MACROD2: variants seen among roughly 807,000 people sequenced by gnomAD.
MACROD2 encodes the protein ADP-ribose glycohydrolase MACROD2.
A neutral mutation model predicts 70.4 loss-of-function variants in MACROD2; 36 were observed. The observed-to-expected ratio is 0.51, with a 90% CI of 0.39 to 0.68. MACROD2 has a LOEUF of 0.68. MACROD2 is among the 30% of genes least tolerant of loss of function. The probability of loss-of-function intolerance (pLI) is 0.00; values close to 1 mark genes in which losing one functional copy is unlikely to be tolerated. For missense variants in MACROD2, 496 were observed against 538.4 expected, an observed-to-expected ratio of 0.92 and a Z score of 0.78; for synonymous variants, 172 against 178.8, an observed-to-expected ratio of 0.96 and a Z score of 0.30.
At chr20:15,936,671 G>GTATATATATATATATATATCTATATATA (rs10626103) in intron 11 of MACROD2, among the ~76,000 whole-genome samples, 1 of 143,268 alleles carries the variant, frequency 7.0e-6, no homozygotes, top group South Asian at 2.2e-4. Context: ...GTATATGTGT[G>GTATATATATATATATATATCTATATATA]TATATATATA....
chr20:15,590,738 G>A (rs1470545833), intron 8 of MACROD2, among the ~76,000 whole-genome samples: 1 of 152,010 alleles, frequency 6.6e-6, no homozygotes, highest in African/African-American at 2.4e-5. Context: ...AATTAGCCAG[G>A]CGTAGTGTTG....
intron 8 of MACROD2, among the ~76,000 whole-genome samples, chr20:15,504,277 CAG>C (rs1489825307): frequency 2.6e-5 from 4 of 152,076 alleles, no homozygotes; most frequent in Middle Eastern, 3.2e-3. Context: ...TAAGAGGACT[CAG>C]AAACCCGAGG....
intron 5 of MACROD2, among the ~76,000 whole-genome samples, chr20:14,923,733 G>A (rs2074192074): frequency 6.9e-6 from 1 of 145,148 alleles, no homozygotes; most frequent in Non-Finnish European, 1.5e-5. Flanking sequence ...CGGGCCTCCA[G>A]GGCCACTCTT....
chr20:14,618,928 C>T (rs535669521), intron 4 of MACROD2, among the ~76,000 whole-genome samples: 96 of 152,212 alleles, frequency 6.3e-4, no homozygotes, highest in African/African-American at 2.1e-3. Flanking sequence ...TCCTTAGAAC[C>T]TTAGTTTTCT....
chr20:14,138,628 GA>G (rs1408320165), intron 3 of MACROD2, among the ~76,000 whole-genome samples: 3 of 152,216 alleles, frequency 2.0e-5, no homozygotes, highest in Non-Finnish European at 2.9e-5. Context: ...TGGGTGGGGG[GA>G]AAATGGGAAG....
chr20:15,755,159 A>G (rs888908530), intron 8 of MACROD2, among the ~76,000 whole-genome samples: 3 of 152,140 alleles, frequency 2.0e-5, no homozygotes, highest in African/African-American at 4.8e-5. Context: ...GCACACAGCC[A>G]GGAATTTGCA....
intron 8 of MACROD2, among the ~76,000 whole-genome samples, chr20:15,743,427 A>G (rs1239076019): frequency 1.3e-5 from 2 of 152,182 alleles, no homozygotes; most frequent in Admixed American, 6.5e-5. Flanking sequence ...CTAGGAAAAA[A>G]GGGTACTGGA....
chr20:14,624,956 G>A (rs926294049), intron 4 of MACROD2, among the ~76,000 whole-genome samples: 2 of 152,150 alleles, frequency 1.3e-5, no homozygotes, highest in Admixed American at 1.3e-4. Flanking sequence ...TGCACCTTTT[G>A]TATGGTCCAA....
At chr20:14,663,179 T>C (rs891701062) in intron 4 of MACROD2, among the ~76,000 whole-genome samples, 1 of 151,912 alleles carries the variant, frequency 6.6e-6, no homozygotes, top group Admixed American at 6.6e-5. Context: ...ATGTTCTTTG[T>C]AGGACAGGGA....
intron 4 of MACROD2, among the ~76,000 whole-genome samples, chr20:14,573,635 C>T (rs1415397741): frequency 1.3e-5 from 2 of 151,506 alleles, no homozygotes; most frequent in Non-Finnish European, 2.9e-5. Context: ...GGTGTTCCTT[C>T]TAGGATGATA....
At chr20:14,960,400 G>A (rs1320407132) in intron 5 of MACROD2, among the ~76,000 whole-genome samples, 1 of 152,126 alleles carries the variant, frequency 6.6e-6, no homozygotes, top group Non-Finnish European at 1.5e-5. Context: ...GGAGGTCTGT[G>A]CTGTATATCT....
chr20:14,069,598 C>T (rs1036763617), intron 2 of MACROD2, among the ~76,000 whole-genome samples: 1 of 149,682 alleles, frequency 6.7e-6, no homozygotes, highest in African/African-American at 2.5e-5. Context: ...CAGTATGAAC[C>T]AAGTTTCCAT....
chr20:15,083,623 GA>G (rs2075722048), intron 5 of MACROD2, among the ~76,000 whole-genome samples: 1 of 151,084 alleles, frequency 6.6e-6, no homozygotes, highest in South Asian at 2.1e-4. Context: ...AATTTTCTTA[GA>G]AAATTCTAGG....
At chr20:14,862,142 A>AT (rs1408246229) in intron 5 of MACROD2, among the ~76,000 whole-genome samples, 6 of 12,324 alleles carry the variant, frequency 4.9e-4, no homozygotes, top group African/African-American at 6.3e-4. Flanking sequence ...ATAAATATAT[A>AT]TTATACATAA....
rs148733081 is a variant in MACROD2 at position 15,646,989 on chromosome 20, T to C, written c.645+147142T>C. Among the ~76,000 whole-genome samples the C allele has an allele frequency of 3.8e-3, 580 of 152,370 alleles. 1 individual carries two copies. The highest frequency in any genetic ancestry group is 6.6e-3 in the Non-Finnish European group (452 of 68,038). On this transcript the variant is annotated intron_variant, in intron 8 of 17. Transcript: ENST00000684519. Reference sequence around the variant, plus strand: ...GTTTGGCTCCAGAATCCATACTGTGTGTCCTTCACCTGACCATATTGCATC... The same window carrying C: ...GTTTGGCTCCAGAATCCATACTGTGCGTCCTTCACCTGACCATATTGCATC...
intron 3 of MACROD2, among the ~76,000 whole-genome samples, chr20:14,105,320 A>G (rs2054354801): frequency 6.6e-6 from 1 of 152,212 alleles, no homozygotes; most frequent in Admixed American, 6.5e-5. Flanking sequence ...GCTATGTGGT[A>G]CAGAGAATCT....
intron 8 of MACROD2, among the ~76,000 whole-genome samples, chr20:15,816,976 C>T (rs904369374): frequency 4.6e-5 from 7 of 151,886 alleles, no homozygotes; most frequent in Admixed American, 2.6e-4. Context: ...TACTTGTCCA[C>T]GCACAAAAAA....
At chr20:15,133,771 T>C (rs1195534118) in intron 5 of MACROD2, among the ~76,000 whole-genome samples, 2 of 152,120 alleles carry the variant, frequency 1.3e-5, no homozygotes, top group Non-Finnish European at 2.9e-5. Context: ...AAAACAATGG[T>C]AGGATTCGTT....
intron 5 of MACROD2, among the ~76,000 whole-genome samples, chr20:15,028,262 G>C (rs1455913985): frequency 6.6e-6 from 1 of 152,150 alleles, no homozygotes; most frequent in Non-Finnish European, 1.5e-5. Flanking sequence ...CCTGGGCTCA[G>C]GATAGGCAAG....
Sources: gnomAD v4.1 joint callset for allele counts (sites outside exome capture counted in the v4.1 genomes callset) on GRCh38, gnomAD v4.1.1 for gene constraint, MANE v1.5 for transcripts, NCBI Gene and HGNC (gene_info 2026-07-23, HGNC 2026-07-21) for gene names.